SLC25A12: variants seen among roughly 807,000 people sequenced by gnomAD.
The protein encoded by SLC25A12 is solute carrier family 25 member 12.
In SLC25A12, 32 loss-of-function variants were observed where a neutral mutation model predicts 83.3. The ratio of observed to expected loss-of-function variants is 0.38; its 90% confidence interval spans 0.29 to 0.52. The LOEUF (loss-of-function observed/expected upper bound fraction) is 0.52, where lower values mean the gene tolerates loss of function less well. Among genes scored for constraint, SLC25A12 ranks in the 20% least tolerant of loss-of-function variants. The pLI is 0.84. For synonymous variants in SLC25A12, 267 were observed against 291.1 expected, an observed-to-expected ratio of 0.92 and a Z score of 0.84; for missense variants, 611 against 835.6, an observed-to-expected ratio of 0.73 and a Z score of 3.31.
At position 171,809,587 on chromosome 2, in the gene SLC25A12, G is replaced by T; in HGVS notation, c.1305+19C>A. 1.3e-6 allele frequency: 2 copies of T among 1,583,916 alleles called. No homozygotes were observed. The highest frequency in any genetic ancestry group is 1.1e-5 in the South Asian group (1 of 90,450). Reference sequence around the variant, plus strand: ...ACGGAATGTATTTGTCACAAGAAGCGCCTAACAGTAATACTTACACAGCCT... The same window carrying T: ...ACGGAATGTATTTGTCACAAGAAGCTCCTAACAGTAATACTTACACAGCCT... On this transcript the variant is annotated intron_variant, in intron 13 of 17. Transcript: ENST00000422440.
At chr2:171,817,956 C>T (rs1398410483) in intron 9 of SLC25A12, among the ~76,000 whole-genome samples, 1 of 152,174 alleles carries the variant, frequency 6.6e-6, no homozygotes, top group Non-Finnish European at 1.5e-5. Context: ...AAAAACATTT[C>T]TAACTATAAA....
At chr2:171,800,750 C>T (rs1009919814) in intron 13 of SLC25A12, among the ~76,000 whole-genome samples, 2 of 152,140 alleles carry the variant, frequency 1.3e-5, no homozygotes, top group African/African-American at 4.8e-5. Context: ...GTGGTAAATT[C>T]GTACGATGAA....
In SLC25A12 at chr2:171,815,220, G is replaced by T; in HGVS notation, c.931-18C>A. The T allele has an allele frequency of 6.3e-7, 1 of 1,593,218 alleles. No homozygotes were observed. The highest frequency in any genetic ancestry group is 1.1e-5 in the South Asian group (1 of 90,592). On this transcript the variant is annotated intron_variant, in intron 9 of 17. Coordinates refer to ENST00000422440, the MANE Select transcript of SLC25A12 (RefSeq NM_003705.5). ...GGAGACTGCTGCAGAGAAGAAAACG[G>T]GTAAAAAAAAATCTTGAAAGCGCAC...
chr2:171,855,243 G>A (rs1389963294), intron 4 of SLC25A12, among the ~76,000 whole-genome samples: 3 of 152,134 alleles, frequency 2.0e-5, no homozygotes, highest in Non-Finnish European at 4.4e-5. Context: ...ATACACCTGT[G>A]AAACATCAAC....
chr2:171,816,717 G>C (rs1684057169), intron 9 of SLC25A12, among the ~76,000 whole-genome samples: 2 of 152,134 alleles, frequency 1.3e-5, no homozygotes, highest in Admixed American at 1.3e-4. Flanking sequence ...ATGCTTCAAT[G>C]AGTTTCTAAA....
chr2:171,835,793 C>T (rs1430799600), intron 6 of SLC25A12, among the ~76,000 whole-genome samples: 1 of 151,378 alleles, frequency 6.6e-6, no homozygotes, highest in Admixed American at 6.6e-5. Context: ...TCCCACCCCA[C>T]CACCCCTCAC....
intron 8 of SLC25A12, among the ~76,000 whole-genome samples, chr2:171,833,754 T>C (rs1573969256): frequency 2.0e-5 from 3 of 151,882 alleles, no homozygotes; most frequent in African/African-American, 7.2e-5. Context: ...TTCCCCTCCC[T>C]CCATCTTCTT....
At chr2:171,794,798 T>C (rs957482892) in intron 13 of SLC25A12, among the ~76,000 whole-genome samples, 10 of 152,222 alleles carry the variant, frequency 6.6e-5, no homozygotes, top group African/African-American at 2.4e-4. Context: ...TTCATAATGA[T>C]ATTCATATCA....
chr2:171,808,383 G>A (rs189085234), intron 13 of SLC25A12, among the ~76,000 whole-genome samples: 1 of 150,054 alleles, frequency 6.7e-6, no homozygotes, highest in African/African-American at 2.5e-5. Flanking sequence ...TGAGTCTCTT[G>A]GTTCAGAATT....
At chr2:171,876,420 G>T (rs1685571855) in intron 2 of SLC25A12, among the ~76,000 whole-genome samples, 1 of 151,868 alleles carries the variant, frequency 6.6e-6, no homozygotes, top group Non-Finnish European at 1.5e-5. Flanking sequence ...TCTGAAACTA[G>T]AATCTATCTA....
At chr2:171,821,510 G>C (rs897759218) in intron 9 of SLC25A12, among the ~76,000 whole-genome samples, 1 of 152,130 alleles carries the variant, frequency 6.6e-6, no homozygotes, top group African/African-American at 2.4e-5. Flanking sequence ...CATTGTCAGA[G>C]TATAATTTTG....
intron 2 of SLC25A12, among the ~76,000 whole-genome samples, chr2:171,889,576 C>A (rs1015237504): frequency 6.6e-6 from 1 of 152,182 alleles, no homozygotes; most frequent in African/African-American, 2.4e-5. Context: ...CACAGTGGCT[C>A]CCTACTGTTT....
intron 14 of SLC25A12, 134 bp from the exon 15 acceptor site, chr2:171,791,723 G>A (rs1683465687): frequency 1.2e-6 from 1 of 808,684 alleles, no homozygotes; most frequent in South Asian, 1.4e-5. Context: ...CCCTTAAACA[G>A]CATTAGAACT....
chr2:171,833,901 A>T, intron 8 of SLC25A12, 62 bp downstream of exon 8: 1 of 970,880 alleles, frequency 1.0e-6, no homozygotes, highest in South Asian at 1.3e-5. Flanking sequence ...AAAGGACACC[A>T]CTGCTTCACA....
intron 2 of SLC25A12, among the ~76,000 whole-genome samples, chr2:171,892,295 G>A (rs1000741876): frequency 2.0e-5 from 3 of 150,236 alleles, no homozygotes; most frequent in African/African-American, 4.9e-5. Context: ...GCACGATCTC[G>A]ACTCACTGCA....
chr2:171,889,271 T>C (rs6433317), intron 2 of SLC25A12, among the ~76,000 whole-genome samples: 117,694 of 152,050 alleles, frequency 0.77, 46,538 homozygotes, highest in East Asian at 0.89. Context: ...AAATATTATC[T>C]AAATAGATGC....
At chr2:171,859,045 G>T (rs935231838) in intron 3 of SLC25A12, among the ~76,000 whole-genome samples, 23 of 152,160 alleles carry the variant, frequency 1.5e-4, no homozygotes, top group Non-Finnish European at 1.6e-4. Flanking sequence ...AAATCAGTGA[G>T]TCTACTTAAA....
Position 171,894,196 on chromosome 2 carries a change from G to C in SLC25A12, c.12+7C>G, listed in dbSNP as rs372252947. On this transcript the variant is annotated splice_region_variant and intron_variant, in intron 1 of 17. Coordinates refer to ENST00000422440, the MANE Select transcript of SLC25A12 (RefSeq NM_003705.5). ...CAATAAAAGCAGCAGCAGAGAGTTG[G>C]AGTCACCTTGACCGCCATGCTGTGC... The C allele has an allele frequency of 1.2e-4, 186 of 1,608,514 alleles. No individual in the cohort carries two copies. Among genetic ancestry groups the C allele is most frequent in the Non-Finnish European group, 1.3e-4 (158 of 1,177,708 alleles).
intron 4 of SLC25A12, chr2:171,845,719 C>T (rs1398518418): frequency 4.3e-5 from 17 of 397,468 alleles, no homozygotes; most frequent in South Asian, 2.0e-4. Context: ...CTGAACTGGA[C>T]GTTCTACCAG....
Sources: allele counts gnomAD v4.1 joint callset (sites outside exome capture counted in the v4.1 genomes callset), GRCh38; gene constraint gnomAD v4.1.1; transcripts MANE v1.5; gene names NCBI Gene and HGNC (gene_info 2026-07-23, HGNC 2026-07-21).